Variants in STAT5B observed in about 807,000 individuals in gnomAD.
STAT5B encodes the protein signal transducer and activator of transcription 5B.
A neutral mutation model predicts 107.8 loss-of-function variants in STAT5B; 21 were observed. The ratio of observed to expected loss-of-function variants is 0.19; its 90% CI spans 0.14 to 0.28. The LOEUF is 0.28. STAT5B is among the 10% of genes least tolerant of loss of function. The probability of loss-of-function intolerance (pLI) is 1.00; values close to 1 mark genes in which losing one functional copy is unlikely to be tolerated. For missense variants in STAT5B, 565 were observed against 1,008.2 expected (o/e 0.56, Z 5.95); for synonymous variants, 325 against 401.7 (o/e 0.81, Z 2.28).
At chr17:42,213,259 T>A (rs1288422607) in intron 12 of STAT5B, among the ~76,000 whole-genome samples, 2 of 152,018 alleles carry the variant, frequency 1.3e-5, no homozygotes, top group Non-Finnish European at 1.5e-5. Flanking sequence ...CAGGCTGGAG[T>A]ACAGTGGCCC....
At chr17:42,210,654 A>G (rs967077155) in intron 13 of STAT5B, 157 bp from the exon 14 acceptor site, 26 of 724,466 alleles carry the variant, frequency 3.6e-5, no homozygotes, top group Non-Finnish European at 6.0e-5. Context: ...TAATGGCCCC[A>G]TGGAGAGGAA....
intron 13 of STAT5B, among the ~76,000 whole-genome samples, chr17:42,211,072 G>A (rs893066466): frequency 1.2e-4 from 18 of 151,826 alleles, no homozygotes; most frequent in South Asian, 6.2e-4. Context: ...ATGGTGGCGG[G>A]TGCCTGTAAT....
intron 1 of STAT5B, among the ~76,000 whole-genome samples, chr17:42,273,858 G>C (rs9907247): frequency 6.6e-6 from 1 of 151,898 alleles, no homozygotes; most frequent in Non-Finnish European, 1.5e-5. Flanking sequence ...GAAAAAACTC[G>C]ACTTAAGTAT....
chr17:42,250,696 G>A (rs1382402706), intron 1 of STAT5B, among the ~76,000 whole-genome samples: 12 of 152,022 alleles, frequency 7.9e-5, no homozygotes, highest in South Asian at 2.1e-4. Context: ...AGGCCAAGGC[G>A]GGCGGATCAT....
upstream of STAT5B, among the ~76,000 whole-genome samples, chr17:42,279,742 G>C (rs1433373313): frequency 6.6e-6 from 1 of 151,526 alleles, no homozygotes. Context: ...CGGAGGTTGC[G>C]GTGAGCCAAA....
At chr17:42,262,922 GTATATA>G (rs71917212) in intron 1 of STAT5B, among the ~76,000 whole-genome samples, 11 of 90,160 alleles carry the variant, frequency 1.2e-4, no homozygotes, top group Non-Finnish European at 2.2e-4. Flanking sequence ...ATATATGTGT[GTATATA>G]TATATGTATA....
intron 1 of STAT5B, among the ~76,000 whole-genome samples, chr17:42,248,273 CAAAA>C (rs61401221): frequency 1.4e-5 from 1 of 69,182 alleles, no homozygotes. Context: ...AGATCTTGTC[CAAAA>C]AAAAAAAAAA....
At chr17:42,252,905 T>C (rs186360543) in intron 1 of STAT5B, among the ~76,000 whole-genome samples, 5 of 152,364 alleles carry the variant, frequency 3.3e-5, no homozygotes, top group African/African-American at 4.8e-5. Context: ...CTTTTAATTA[T>C]ATCTCAAGAA....
At position 42,276,032 on chromosome 17, in the gene STAT5B, C is replaced by T. The variant is rs1240209544; in HGVS notation, c.-11+216G>A. Reference sequence around the variant, plus strand: ...GCGGCGTTCGCAAGTCCCCCTCGCGCACCCCGCATTGCCCTCAGCCTCCCC... The same window carrying T: ...GCGGCGTTCGCAAGTCCCCCTCGCGTACCCCGCATTGCCCTCAGCCTCCCC... On this transcript the variant is annotated intron_variant, in intron 1 of 18. Transcript: ENST00000293328. This position sits in a 1 kb window ranked among gnomAD's most constrained non-coding sequence, Gnocchi z 4.8. 6.6e-6 allele frequency among the ~76,000 whole-genome samples: 1 copy of T among 151,242 alleles called. No individual in the cohort carries two copies.
intron 1 of STAT5B, among the ~76,000 whole-genome samples, chr17:42,243,922 T>C (rs188231261): frequency 1.5e-5 from 1 of 65,536 alleles, no homozygotes; most frequent in Non-Finnish European, 3.0e-5. Context: ...AGATAATGGA[T>C]TTGCGATCCC....
chr17:42,284,455 C>T, the STAT5B span, among the ~76,000 whole-genome samples: 2 of 152,022 alleles, frequency 1.3e-5, no homozygotes, highest in African/African-American at 4.8e-5. Flanking sequence ...TTAGTAGAGA[C>T]GGGGTTTCAC....
chr17:42,271,813 C>G (rs2080724186), intron 1 of STAT5B: 1 of 152,150 alleles, frequency 6.6e-6, no homozygotes, highest in African/African-American at 2.4e-5. Context: ...ATTATAACTT[C>G]TCCTTTCTTG....
In STAT5B at chr17:42,228,556, T is replaced by C. The variant is rs72820889; in HGVS notation, c.129-871A>G. ...CTGGGTCTGGAGCCAAACAAGATAG[T>C]GGTAGCTAAAAGGCTCTGCCATCCC... On this transcript the variant is annotated intron_variant, in intron 2 of 18. Transcript: ENST00000293328. Among the ~76,000 whole-genome samples the C allele has an allele frequency of 4.5e-3, 678 of 152,298 alleles. 3 individuals carry two copies. The highest frequency in any genetic ancestry group is 0.01 in the Middle Eastern group (3 of 294).
intron 1 of STAT5B, chr17:42,269,794 T>A (rs1323024786): frequency 6.6e-6 from 1 of 150,566 alleles, no homozygotes; most frequent in East Asian, 2.0e-4. Context: ...CACAATCCAC[T>A]CCCAAGGAAA....
At chr17:42,239,191 T>G (rs1389498532) in intron 1 of STAT5B, among the ~76,000 whole-genome samples, 1 of 138,516 alleles carries the variant, frequency 7.2e-6, no homozygotes, top group Non-Finnish European at 1.5e-5. Flanking sequence ...GAGGTTGCAG[T>G]GAGCCAAGAT....
At position 42,210,628 on chromosome 17, in the gene STAT5B, C is replaced by T. The variant is rs1393113555; in HGVS notation, c.1681-131G>A. On this transcript the variant is annotated intron_variant, in intron 13 of 18. Transcript: ENST00000293328. ...GTCAGAGGCATACAAATATCCCCGC[C>T]TACCTGAGTTTTACCTAATGGCCCC... 1.5e-5 allele frequency: 13 copies of T among 878,826 alleles called. No homozygotes were observed. The East Asian group carries it at 3.2e-4, about 22-fold the overall frequency. The allele number at this position is 878,826 out of a possible 1,614,324, so 54.4% of individuals were successfully genotyped here.
intron 1 of STAT5B, among the ~76,000 whole-genome samples, chr17:42,245,843 T>TA (rs2080447448): frequency 6.6e-6 from 1 of 151,980 alleles, no homozygotes; most frequent in East Asian, 1.9e-4. Context: ...GTATTTTTAG[T>TA]AGAGATGGGG....
At chr17:42,243,188 TAA>T (rs11327266) in intron 1 of STAT5B, among the ~76,000 whole-genome samples, 38 of 149,770 alleles carry the variant, frequency 2.5e-4, no homozygotes, top group Non-Finnish European at 3.7e-4. Context: ...AAAAAATAAA[TAA>T]AAAAAAAATA....
intron 13 of STAT5B, 110 bp downstream of exon 13, chr17:42,211,874 G>T: frequency 1.3e-6 from 2 of 1,492,262 alleles, no homozygotes; most frequent in Non-Finnish European, 1.8e-6. Flanking sequence ...TATTACTTTC[G>T]GTACATTTTA....
Sources: gnomAD v4.1 joint callset for allele counts (sites outside exome capture counted in the v4.1 genomes callset) on GRCh38, gnomAD v4.1.1 for gene constraint, Gnocchi (gnomAD v3.1) non-coding constraint, MANE v1.5 for transcripts, NCBI Gene and HGNC (gene_info 2026-07-23, HGNC 2026-07-21) for gene names.